Variants in TLL2 observed in about 807,000 individuals in gnomAD.
TLL2 encodes the protein tolloid like 2, also known as tolloid-like protein 2.
A neutral mutation model predicts 123.0 loss-of-function variants in TLL2; 106 were observed. That is an observed-to-expected ratio of 0.86 (90% CI 0.74 to 1.01). TLL2 has a LOEUF of 1.01. TLL2 is among the 50% of genes least tolerant of loss of function. The probability of loss-of-function intolerance (pLI) is 0.00; values close to 1 mark genes in which losing one functional copy is unlikely to be tolerated. For synonymous variants in TLL2, 494 were observed against 516.8 expected, an observed-to-expected ratio of 0.96 and a Z score of 0.60; for missense variants, 1,332 against 1,336.7, an observed-to-expected ratio of 1.00 and a Z score of 0.06.
intron 13 of TLL2, among the ~76,000 whole-genome samples, chr10:96,394,170 C>A (rs778411976): frequency 6.6e-6 from 1 of 151,972 alleles, no homozygotes; most frequent in Non-Finnish European, 1.5e-5. Flanking sequence ...GCCAGGAGTC[C>A]TAGGAGAGGA....
intron 3 of TLL2, among the ~76,000 whole-genome samples, chr10:96,441,707 T>A (rs1255872257): frequency 6.6e-6 from 1 of 152,136 alleles, no homozygotes; most frequent in South Asian, 2.1e-4. Flanking sequence ...AGGTAATGAA[T>A]GTCAAATGCC....
intron 3 of TLL2, among the ~76,000 whole-genome samples, 167 bp from the exon 4 acceptor site, chr10:96,433,129 G>A (rs756631861): frequency 2.6e-5 from 4 of 152,184 alleles, no homozygotes; most frequent in Non-Finnish European, 5.9e-5. Flanking sequence ...TTTTCCAGAT[G>A]GGGTAAGAGT....
At chr10:96,411,452 C>T (rs971824089) in intron 8 of TLL2, among the ~76,000 whole-genome samples, 1 of 152,168 alleles carries the variant, frequency 6.6e-6, no homozygotes, top group Non-Finnish European at 1.5e-5. Flanking sequence ...CTGGAATCTT[C>T]TATAGCAGGC....
intron 2 of TLL2, among the ~76,000 whole-genome samples, chr10:96,478,539 A>ACCG (rs1208744709): frequency 2.6e-5 from 4 of 152,214 alleles, no homozygotes; most frequent in Non-Finnish European, 4.4e-5. Context: ...TCCAAGAATG[A>ACCG]CTGCAGCAGC....
At chr10:96,504,074 G>C (rs1440076596) in intron 1 of TLL2, among the ~76,000 whole-genome samples, 1 of 152,186 alleles carries the variant, frequency 6.6e-6, no homozygotes, top group African/African-American at 2.4e-5. Context: ...ATGCCCCTGA[G>C]ATCATGTGAG....
intron 2 of TLL2, among the ~76,000 whole-genome samples, chr10:96,461,384 A>C (rs1307869822): frequency 6.6e-6 from 1 of 152,144 alleles, no homozygotes; most frequent in Non-Finnish European, 1.5e-5. Flanking sequence ...CTGGATGGAA[A>C]GGCAGGAGGG....
intron 3 of TLL2, among the ~76,000 whole-genome samples, chr10:96,444,480 T>A (rs572349704): frequency 1.3e-5 from 2 of 152,358 alleles, no homozygotes; most frequent in South Asian, 4.1e-4. Flanking sequence ...AGAAAAAATG[T>A]GTATCAAATA....
At position 96,510,997 on chromosome 10, in the gene TLL2, C is replaced by G. The variant is rs562934036; in HGVS notation, c.175+2514G>C. On this transcript the variant is annotated intron_variant, in intron 1 of 20. Transcript: ENST00000357947. The stretch of plus-strand genomic sequence containing the variant: ...GAGAGGAGGGGAGTCGTCCCGGTAA[C>G]ACAGATCCTGAAAAGCCAGGAACAG... 7.2e-5 allele frequency among the ~76,000 whole-genome samples: 11 copies of G among 152,298 alleles called. No homozygotes were observed. The East Asian group carries it at 2.1e-3, about 29-fold the overall frequency.
chr10:96,474,806 T>C (rs1847221378), intron 2 of TLL2, among the ~76,000 whole-genome samples: 1 of 152,198 alleles, frequency 6.6e-6, no homozygotes, highest in Non-Finnish European at 1.5e-5. Flanking sequence ...GAAGGCCAGG[T>C]GTTGGCAGCA....
At chr10:96,425,508 CT>C (rs550889309) in intron 5 of TLL2, among the ~76,000 whole-genome samples, 90 of 144,160 alleles carry the variant, frequency 6.2e-4, no homozygotes, top group Admixed American at 4.9e-4. Context: ...TCTATTTTTA[CT>C]TTTTTTTTTT....
At chr10:96,375,548 CTT>C (rs946659228) in intron 18 of TLL2, among the ~76,000 whole-genome samples, 1 of 152,180 alleles carries the variant, frequency 6.6e-6, no homozygotes, top group African/African-American at 2.4e-5. Flanking sequence ...CTAAGGCTCT[CTT>C]CAGTTCATCC....
intron 1 of TLL2, among the ~76,000 whole-genome samples, chr10:96,500,781 G>GA (rs1266100758): frequency 2.2e-5 from 3 of 135,768 alleles, no homozygotes; most frequent in Non-Finnish European, 4.8e-5. Flanking sequence ...GCAAGATAAG[G>GA]AAGGAAGGAA....
At chr10:96,451,251 A>G (rs969277748) in intron 2 of TLL2, among the ~76,000 whole-genome samples, 8 of 152,220 alleles carry the variant, frequency 5.3e-5, no homozygotes, top group African/African-American at 1.9e-4. Context: ...TCTGTTAGCA[A>G]CTTTGGGAGC....
chr10:96,489,979 C>T (rs1279115037), intron 1 of TLL2, among the ~76,000 whole-genome samples: 2 of 151,936 alleles, frequency 1.3e-5, no homozygotes, highest in Non-Finnish European at 2.9e-5. Flanking sequence ...GCCTGTAGTC[C>T]CAGCTACTTG....
intron 11 of TLL2, 135 bp from the exon 12 acceptor site, chr10:96,396,155 C>T (rs76192559): frequency 0.012 from 11,927 of 986,098 alleles, 112 homozygotes; most frequent in Middle Eastern, 0.03. Flanking sequence ...TCATCTCCAG[C>T]CCACAAACAC....
At chr10:96,432,525 C>T (rs761651339) in intron 4 of TLL2, among the ~76,000 whole-genome samples, 1 of 152,166 alleles carries the variant, frequency 6.6e-6, no homozygotes, top group African/African-American at 2.4e-5. Flanking sequence ...AAACAGTCAT[C>T]ATGCAAACCC....
At chr10:96,396,478 C>G (rs182455835) in intron 11 of TLL2, among the ~76,000 whole-genome samples, 60 of 151,856 alleles carry the variant, frequency 4.0e-4, no homozygotes, top group South Asian at 1.5e-3. Flanking sequence ...TTTACAAAGA[C>G]AAAACTTTGG....
At chr10:96,397,094 G>C in intron 11 of TLL2, 92 bp downstream of exon 11, 1 of 1,193,242 alleles carries the variant, frequency 8.4e-7, no homozygotes, top group Non-Finnish European at 1.2e-6. Flanking sequence ...CTCTGGCCTG[G>C]AGTGTCTGGG....
rs141996541 is a variant in TLL2 at position 96,513,557 on chromosome 10, C to A, written c.129G>T (p.Glu43Asp). ...TADYSELDGE[E>D]GTEQQLEHYH... ...AATGCTCCAGCTGCTGCTCCGTGCCCTCCTCGCCGTCCAGCTCTGAGTAGT... is the reference window on the plus strand; with the variant it reads ...AATGCTCCAGCTGCTGCTCCGTGCCATCCTCGCCGTCCAGCTCTGAGTAGT... The change falls in exon 1 of 21, where the codon GAG becomes GAT. Residue 43 changes from glutamate to aspartate, a missense_variant. Coordinates refer to ENST00000357947, the MANE Select transcript of TLL2 (RefSeq NM_012465.4). 6.2e-7 allele frequency: 1 copy of A among 1,611,988 alleles called. No individual in the cohort carries two copies. Among genetic ancestry groups the A allele is most frequent in the Non-Finnish European group, 8.5e-7 (1 of 1,179,834 alleles).
Sources: gnomAD v4.1 joint callset for allele counts (sites outside exome capture counted in the v4.1 genomes callset) on GRCh38, gnomAD v4.1.1 for gene constraint, MANE v1.5 for transcripts, NCBI Gene and HGNC (gene_info 2026-07-23, HGNC 2026-07-21) for gene names.